Variants in DLGAP1 observed in about 807,000 individuals in gnomAD.
DLGAP1 encodes the protein DLG associated protein 1, also known as disks large-associated protein 1.
DLGAP1 carries 11 observed loss-of-function variants against 90.8 expected under a neutral mutation model. The observed-to-expected ratio is 0.12, with a 90% CI of 0.08 to 0.20. The LOEUF is 0.20. Among genes scored for constraint, DLGAP1 ranks in the 10% least tolerant of loss-of-function variants. The probability of loss-of-function intolerance (pLI) is 1.00; values close to 1 mark genes in which losing one functional copy is unlikely to be tolerated. For missense variants in DLGAP1, 1,050 were observed against 1,333.8 expected (o/e 0.79, Z 3.31); for synonymous variants, 558 against 540.7 (o/e 1.03, Z -0.44).
At chr18:3,887,602 T>C (rs764263306) in intron 3 of DLGAP1, among the ~76,000 whole-genome samples, 10 of 152,284 alleles carry the variant, frequency 6.6e-5, no homozygotes, top group Non-Finnish European at 1.2e-4. Context: ...TGCTCACACA[T>C]GCATGCTCCA....
rs186221905 is a variant in DLGAP1, at chr18:4,251,297, T to G, written c.-266-100010A>C. Among the ~76,000 whole-genome samples, 695 of 152,338 alleles carry G rather than the reference T, an allele frequency of 4.6e-3. 11 individuals are homozygous for G. Among genetic ancestry groups the G allele is most frequent in the African/African-American group, 0.016 (659 of 41,580 alleles). Reference sequence around the variant, plus strand: ...TCCAGACTTGAGATTATATAACTTTTAAAGCTGGAAGGTCTGTCAGAGCTC... The same window carrying G: ...TCCAGACTTGAGATTATATAACTTTGAAAGCTGGAAGGTCTGTCAGAGCTC... On this transcript the variant is annotated intron_variant, in intron 1 of 12. Coordinates refer to ENST00000315677, the MANE Select transcript of DLGAP1 (RefSeq NM_004746.4).
At chr18:4,194,063 G>GTA (rs2077449320) in intron 1 of DLGAP1, among the ~76,000 whole-genome samples, 1 of 152,016 alleles carries the variant, frequency 6.6e-6, no homozygotes. Context: ...ACTGTTATAT[G>GTA]TATATTGCCT....
At chr18:3,796,536 G>A (rs574831709) in intron 5 of DLGAP1, among the ~76,000 whole-genome samples, 1 of 152,340 alleles carries the variant, frequency 6.6e-6, no homozygotes, top group South Asian at 2.1e-4. Context: ...GATTCAGGTA[G>A]TGTGTTCTCT....
intron 3 of DLGAP1, among the ~76,000 whole-genome samples, chr18:3,885,875 T>C (rs2071299664): frequency 6.6e-6 from 1 of 152,176 alleles, no homozygotes; most frequent in Admixed American, 6.5e-5. Flanking sequence ...GTCCAGATGA[T>C]GACCAAAACA....
chr18:4,257,424 G>A (rs1375904991), intron 1 of DLGAP1, among the ~76,000 whole-genome samples: 2 of 152,246 alleles, frequency 1.3e-5, no homozygotes, highest in East Asian at 3.9e-4. Flanking sequence ...ACTCCACTTG[G>A]CAGTATCTGG....
At chr18:3,536,162 GTTTC>G (rs200870309) in intron 9 of DLGAP1, among the ~76,000 whole-genome samples, 6 of 150,512 alleles carry the variant, frequency 4.0e-5, no homozygotes, top group African/African-American at 1.5e-4. Flanking sequence ...ACTGAAGTAA[GTTTC>G]TTTCTTTCTT....
At chr18:4,025,218 C>T (rs1426795501) in intron 2 of DLGAP1, among the ~76,000 whole-genome samples, 1 of 152,022 alleles carries the variant, frequency 6.6e-6, no homozygotes, top group African/African-American at 2.4e-5. Flanking sequence ...TATTTCATAC[C>T]CACGGCTCAT....
chr18:3,593,523 C>A (rs938059218), intron 7 of DLGAP1, among the ~76,000 whole-genome samples: 1 of 152,026 alleles, frequency 6.6e-6, no homozygotes, highest in Non-Finnish European at 1.5e-5. Flanking sequence ...ACATCCTCCA[C>A]GGAAACCACA....
intron 1 of DLGAP1, among the ~76,000 whole-genome samples, chr18:4,189,677 G>C (rs1412234787): frequency 1.3e-5 from 2 of 151,994 alleles, no homozygotes; most frequent in Non-Finnish European, 2.9e-5. Context: ...AAAGAAGAAG[G>C]AAGTCAGAGG....
chr18:4,310,864 C>T (rs1031676334), intron 1 of DLGAP1, among the ~76,000 whole-genome samples: 7 of 152,156 alleles, frequency 4.6e-5, no homozygotes, highest in Non-Finnish European at 8.8e-5. Flanking sequence ...CACAGCCTCC[C>T]TAGCCCAGTT....
At chr18:3,725,293 G>T (rs563483948) in intron 7 of DLGAP1, among the ~76,000 whole-genome samples, 1 of 152,308 alleles carries the variant, frequency 6.6e-6, no homozygotes, top group African/African-American at 2.4e-5. Context: ...TAGCTACAAT[G>T]TGATAATGCC....
At chr18:3,624,749 T>C (rs896853929) in intron 7 of DLGAP1, among the ~76,000 whole-genome samples, 3 of 152,154 alleles carry the variant, frequency 2.0e-5, no homozygotes, top group African/African-American at 4.8e-5. Flanking sequence ...AATTCAAATT[T>C]ATTTTGTTTT....
intron 1 of DLGAP1, among the ~76,000 whole-genome samples, chr18:4,332,046 T>G (rs1193586577): frequency 6.6e-6 from 1 of 151,862 alleles, no homozygotes; most frequent in Non-Finnish European, 1.5e-5. Context: ...AGAAGTCACA[T>G]AAAGAAAGTG....
At chr18:4,027,530 A>T (rs2074723229) in intron 2 of DLGAP1, among the ~76,000 whole-genome samples, 1 of 142,348 alleles carries the variant, frequency 7.0e-6, no homozygotes, top group South Asian at 2.3e-4. Context: ...AAAAAAAAAA[A>T]AAAAAAGAAT....
chr18:3,972,827 C>G lies in DLGAP1; in HGVS notation c.-73+32289G>C, dbSNP rs571091488. 2.6e-5 allele frequency among the ~76,000 whole-genome samples: 4 copies of G among 152,214 alleles called. No homozygotes were observed. In the South Asian group the frequency reaches 8.3e-4, roughly 32 times the overall value. On this transcript the variant is annotated intron_variant, in intron 3 of 12. Coordinates refer to ENST00000315677, the MANE Select transcript of DLGAP1 (RefSeq NM_004746.4). ...CCAGCAACACTGAGAGGCAGATGGG[C>G]GGGGAGGTGCCTATCCCTAGCCTGA...
intron 4 of DLGAP1, among the ~76,000 whole-genome samples, chr18:3,851,843 A>G (rs2069359694): frequency 6.6e-6 from 1 of 152,210 alleles, no homozygotes; most frequent in African/African-American, 2.4e-5. Flanking sequence ...AAGATCACAA[A>G]GCAGAGTTGT....
chr18:3,587,363 G>A (rs749001475), intron 7 of DLGAP1, among the ~76,000 whole-genome samples: 11 of 152,136 alleles, frequency 7.2e-5, no homozygotes, highest in Non-Finnish European at 4.4e-5. Flanking sequence ...CAAGAATTGA[G>A]AGGTGAAGCC....
At chr18:4,159,624 G>A (rs1434380386) in intron 1 of DLGAP1, among the ~76,000 whole-genome samples, 1 of 152,024 alleles carries the variant, frequency 6.6e-6, no homozygotes, top group Non-Finnish European at 1.5e-5. Flanking sequence ...CTAAACTCAA[G>A]TTTGGTACAT....
At chr18:3,882,619 C>T (rs997587349) in intron 3 of DLGAP1, among the ~76,000 whole-genome samples, 2 of 152,018 alleles carry the variant, frequency 1.3e-5, no homozygotes, top group African/African-American at 4.8e-5. Flanking sequence ...GGACCCCAGA[C>T]CTAATAGCTC....
Sources: gnomAD v4.1 joint callset for allele counts (sites outside exome capture counted in the v4.1 genomes callset) on GRCh38, gnomAD v4.1.1 for gene constraint, MANE v1.5 for transcripts, NCBI Gene and HGNC (gene_info 2026-07-23, HGNC 2026-07-21) for gene names.